MYO16: variants seen among roughly 807,000 people sequenced by gnomAD.
MYO16 encodes the protein myosin XVI.
A neutral mutation model predicts 205.3 loss-of-function variants in MYO16; 94 were observed. The ratio of observed to expected loss-of-function variants is 0.46; its 90% confidence interval spans 0.39 to 0.54. The LOEUF is 0.54. MYO16 is among the 20% of genes least tolerant of loss of function. MYO16 has a pLI of 0.00. For synonymous variants in MYO16, 988 were observed against 954.0 expected (o/e 1.04, Z -0.66); for missense variants, 2,315 against 2,387.5 (o/e 0.97, Z 0.63).
At chr13:108,839,374 G>A (rs1343468122) in intron 9 of MYO16, among the ~76,000 whole-genome samples, 2 of 151,956 alleles carry the variant, frequency 1.3e-5, no homozygotes. Flanking sequence ...AGCAGATCTG[G>A]CTATGAAATT....
At chr13:109,119,786 C>G (rs1875896619) in intron 28 of MYO16, among the ~76,000 whole-genome samples, 1 of 152,122 alleles carries the variant, frequency 6.6e-6, no homozygotes, top group Admixed American at 6.5e-5. Flanking sequence ...GTGCAAACAT[C>G]CAGAAGATTG....
chr13:108,879,212 TTC>T (rs1879481617), intron 12 of MYO16, among the ~76,000 whole-genome samples: 2 of 152,202 alleles, frequency 1.3e-5, no homozygotes, highest in South Asian at 4.1e-4. Context: ...ATACAGTGTG[TTC>T]TTTTATGTAT....
At chr13:109,028,297 AATATAGT>A (rs1435218395) in intron 23 of MYO16, 1 of 193,410 alleles carries the variant, frequency 5.2e-6, no homozygotes, top group Non-Finnish European at 1.1e-5. Flanking sequence ...AAATTCTCTA[AATATAGT>A]ATTAAATACA....
At chr13:108,501,078 C>T in the MYO16 span, among the ~76,000 whole-genome samples, 1 of 152,156 alleles carries the variant, frequency 6.6e-6, no homozygotes, top group African/African-American at 2.4e-5. Flanking sequence ...GATCATCTTC[C>T]CCCAAATACC....
At chr13:108,811,116 A>C (rs2138993524) in intron 7 of MYO16, among the ~76,000 whole-genome samples, 1 of 152,322 alleles carries the variant, frequency 6.6e-6, no homozygotes, top group South Asian at 2.1e-4. Context: ...AAAGATAAAA[A>C]AATATTTGTA....
rs114660254 is a variant in MYO16, at chr13:108,959,567, T to C, written c.2037+1768T>C. Among the ~76,000 whole-genome samples, 1,113 of 152,262 alleles carry C rather than the reference T, an allele frequency of 7.3e-3. 13 individuals carry two copies. Among genetic ancestry groups the C allele is most frequent in the African/African-American group, 0.025 (1,033 of 41,572 alleles). ...GAAATTAATTTCTTCATCCTGACCC[T>C]GGGAGTGACTTGAATGGTGAGTTGA... On this transcript the variant is annotated intron_variant, in intron 17 of 34. Transcript: ENST00000457511.
At chr13:108,936,242 A>C (rs2139303466) in intron 16 of MYO16, among the ~76,000 whole-genome samples, 1 of 151,884 alleles carries the variant, frequency 6.6e-6, no homozygotes, top group Middle Eastern at 3.4e-3. Flanking sequence ...TTGTAGAATG[A>C]ATTAGAAAGA....
intron 19 of MYO16, among the ~76,000 whole-genome samples, chr13:108,964,459 G>T (rs1883710280): frequency 2.6e-5 from 4 of 152,162 alleles, no homozygotes; most frequent in Admixed American, 2.6e-4. Context: ...CAAAAGCCTT[G>T]CCAGGAGGGA....
At chr13:109,063,562 G>A (rs1334762315) in intron 27 of MYO16, among the ~76,000 whole-genome samples, 1 of 152,140 alleles carries the variant, frequency 6.6e-6, no homozygotes, top group African/African-American at 2.4e-5. Context: ...GAATGTGACT[G>A]GCACAAGAAT....
At chr13:109,048,319 C>CTT in intron 24 of MYO16, 2 of 734,352 alleles carry the variant, frequency 2.7e-6, no homozygotes, top group Non-Finnish European at 5.0e-6. Flanking sequence ...ACAATTCAGT[C>CTT]TTTTTTTTTA....
At chr13:108,699,166 A>G (rs898043005) in intron 2 of MYO16, among the ~76,000 whole-genome samples, 2 of 115,772 alleles carry the variant, frequency 1.7e-5, no homozygotes, top group African/African-American at 6.2e-5. Context: ...TATGTATACC[A>G]TATATACTAT....
chr13:108,532,473 GA>G, the MYO16 span, among the ~76,000 whole-genome samples: 18 of 151,322 alleles, frequency 1.2e-4, no homozygotes, highest in African/African-American at 4.1e-4. Context: ...TGTGGTAACT[GA>G]AAGAGATGGG....
chr13:109,150,253 G>A (rs570855756), intron 32 of MYO16, among the ~76,000 whole-genome samples: 1 of 152,256 alleles, frequency 6.6e-6, no homozygotes, highest in Non-Finnish European at 1.5e-5. Context: ...TCTCAATTAT[G>A]TGTACGTAGA....
rs1360720204 is a variant in MYO16, at chr13:109,125,067, T to G, written c.3536-45T>G. On this transcript the variant is annotated intron_variant, in intron 29 of 34. Transcript: ENST00000457511. This position sits in a 1 kb window ranked among gnomAD's most constrained non-coding sequence, Gnocchi z 4.0. ...ATTTTTGTTTGTGCATGTCTGAGTT[T>G]TTCACTTTTCCTCCATTTACTAACC... 1 of 1,599,144 alleles carries G rather than the reference T, an allele frequency of 6.3e-7. No homozygotes were observed. Among genetic ancestry groups the G allele is most frequent in the Admixed American group, 1.7e-5 (1 of 58,072 alleles).
intron 16 of MYO16, among the ~76,000 whole-genome samples, chr13:108,920,403 C>A (rs7992027): frequency 6.8e-6 from 1 of 147,552 alleles, no homozygotes; most frequent in African/African-American, 2.5e-5. Flanking sequence ...TCCTTCCTTC[C>A]TTCTCTCTCT....
intron 27 of MYO16, among the ~76,000 whole-genome samples, chr13:109,090,194 C>T (rs36085160): frequency 6.6e-6 from 1 of 152,190 alleles, no homozygotes; most frequent in East Asian, 1.9e-4. Flanking sequence ...AGACTTCTTC[C>T]TCCCTTAGCA....
At chr13:108,690,842 C>G (rs1252210118) in intron 2 of MYO16, among the ~76,000 whole-genome samples, 15 of 152,124 alleles carry the variant, frequency 9.9e-5, no homozygotes, top group Admixed American at 9.8e-4. Flanking sequence ...CATAGCCCCA[C>G]AAGACACATT....
chr13:108,924,713 T>C (rs1438905527), intron 16 of MYO16, among the ~76,000 whole-genome samples: 2 of 152,134 alleles, frequency 1.3e-5, no homozygotes, highest in Admixed American at 6.5e-5. Context: ...GGCAGTTGCC[T>C]GTGCACACCC....
chr13:108,632,655 A>T (rs1422401575), intron 1 of MYO16, among the ~76,000 whole-genome samples: 1 of 152,170 alleles, frequency 6.6e-6, no homozygotes, highest in African/African-American at 2.4e-5. Flanking sequence ...AGAGTGTAAA[A>T]ATTTACTGTG....
Sources: allele counts gnomAD v4.1 joint callset (sites outside exome capture counted in the v4.1 genomes callset), GRCh38; gene constraint gnomAD v4.1.1; non-coding constraint Gnocchi (gnomAD v3.1); transcripts MANE v1.5; gene names NCBI Gene and HGNC (gene_info 2026-07-23, HGNC 2026-07-21).